SGCZ: variants seen among roughly 807,000 people sequenced by gnomAD.
The protein encoded by SGCZ is zeta-sarcoglycan.
A neutral mutation model predicts 41.3 loss-of-function variants in SGCZ; 40 were observed. The ratio of observed to expected loss-of-function variants is 0.97; its 90% CI spans 0.75 to 1.26. SGCZ has a LOEUF of 1.26. Ranked by LOEUF, SGCZ falls within the 50% of genes most tolerant of loss-of-function variation. The probability of loss-of-function intolerance (pLI) is 0.00; values close to 1 mark genes in which losing one functional copy is unlikely to be tolerated. For synonymous variants in SGCZ, 206 were observed against 137.5 expected (o/e 1.50, Z -3.49); for missense variants, 552 against 369.8 (o/e 1.49, Z -4.04).
chr8:15,013,513 T>G (rs572170563), intron 1 of SGCZ, among the ~76,000 whole-genome samples: 1 of 152,196 alleles, frequency 6.6e-6, no homozygotes, highest in East Asian at 1.9e-4. Flanking sequence ...CCTAATGTTC[T>G]CCTCCCTCCC....
intron 1 of SGCZ, among the ~76,000 whole-genome samples, chr8:14,999,125 A>T (rs1234179163): frequency 5.3e-5 from 8 of 152,214 alleles, no homozygotes; most frequent in Non-Finnish European, 1.2e-4. Context: ...TTCCTGTTAC[A>T]GAAAACAATG....
intron 1 of SGCZ, among the ~76,000 whole-genome samples, chr8:14,654,136 G>A (rs1807486787): frequency 6.6e-6 from 1 of 151,416 alleles, no homozygotes; most frequent in Non-Finnish European, 1.5e-5. Flanking sequence ...CACACACAGA[G>A]TAGTAGAATA....
At chr8:14,519,693 T>C (rs540078542) in intron 2 of SGCZ, among the ~76,000 whole-genome samples, 7 of 152,278 alleles carry the variant, frequency 4.6e-5, no homozygotes, top group African/African-American at 1.7e-4. Flanking sequence ...CGGCTGTTCA[T>C]TTATCTGCAA....
At chr8:14,937,836 C>T (rs868700180) in intron 1 of SGCZ, among the ~76,000 whole-genome samples, 1 of 151,786 alleles carries the variant, frequency 6.6e-6, no homozygotes, top group Non-Finnish European at 1.5e-5. Flanking sequence ...ATATGTTGAA[C>T]AATCAGGAAT....
chr8:14,349,418 G>C (rs1803008744), intron 2 of SGCZ, among the ~76,000 whole-genome samples: 1 of 151,954 alleles, frequency 6.6e-6, no homozygotes, highest in Non-Finnish European at 1.5e-5. Flanking sequence ...ACCTAGACAG[G>C]GTCTAGATTC....
At chr8:14,885,908 T>A (rs1277907199) in intron 1 of SGCZ, among the ~76,000 whole-genome samples, 1 of 147,976 alleles carries the variant, frequency 6.8e-6, no homozygotes, top group Non-Finnish European at 1.5e-5. Context: ...AATTCACCCT[T>A]AATACCTAGA....
intron 1 of SGCZ, among the ~76,000 whole-genome samples, chr8:14,620,390 A>G (rs754159388): frequency 2.6e-5 from 4 of 152,324 alleles, no homozygotes; most frequent in South Asian, 2.1e-4. Flanking sequence ...GAAGGACTTC[A>G]TGTCTAAAAC....
At chr8:14,569,470 T>C (rs928617268) in intron 1 of SGCZ, among the ~76,000 whole-genome samples, 1 of 152,206 alleles carries the variant, frequency 6.6e-6, no homozygotes, top group Non-Finnish European at 1.5e-5. Flanking sequence ...AAAACACAAA[T>C]ATCATGTTTA....
intron 4 of SGCZ, among the ~76,000 whole-genome samples, chr8:14,234,404 C>G (rs1316853622): frequency 6.6e-6 from 1 of 151,940 alleles, no homozygotes; most frequent in Non-Finnish European, 1.5e-5. Context: ...TTTGCTGAAA[C>G]TACTTACATA....
intron 7 of SGCZ, among the ~76,000 whole-genome samples, chr8:14,090,877 A>C (rs1801669065): frequency 6.6e-6 from 1 of 151,990 alleles, no homozygotes; most frequent in Non-Finnish European, 1.5e-5. Flanking sequence ...CTGAAAAGCA[A>C]CATCATACAA....
chr8:14,662,537 A>G (rs1207595865), intron 1 of SGCZ, among the ~76,000 whole-genome samples: 1 of 152,160 alleles, frequency 6.6e-6, no homozygotes, highest in African/African-American at 2.4e-5. Flanking sequence ...GAGTTTCAAC[A>G]GAGTTTTACC....
intron 1 of SGCZ, among the ~76,000 whole-genome samples, chr8:14,690,129 TA>T (rs34319245): frequency 1.3e-5 from 2 of 151,294 alleles, no homozygotes; most frequent in African/African-American, 4.9e-5. Flanking sequence ...TTTTTTTTTT[TA>T]AAGTCCATGG....
At chr8:14,611,037 C>G (rs1370052388) in intron 1 of SGCZ, among the ~76,000 whole-genome samples, 1 of 152,048 alleles carries the variant, frequency 6.6e-6, no homozygotes, top group East Asian at 1.9e-4. Context: ...AAGCAAGAAT[C>G]AAGAAAGAAA....
intron 2 of SGCZ, among the ~76,000 whole-genome samples, chr8:14,541,711 T>C (rs1406654146): frequency 6.6e-6 from 1 of 152,124 alleles, no homozygotes; most frequent in East Asian, 1.9e-4. Flanking sequence ...TGCCACACTG[T>C]CTTCCACAAT....
At chr8:14,679,276 A>AT (rs922902245) in intron 1 of SGCZ, among the ~76,000 whole-genome samples, 4 of 151,796 alleles carry the variant, frequency 2.6e-5, no homozygotes, top group Non-Finnish European at 4.4e-5. Flanking sequence ...TTGCATACAT[A>AT]TTTTTTTTAA....
chr8:14,363,783 C>T (rs1803608368), intron 2 of SGCZ, among the ~76,000 whole-genome samples: 1 of 152,102 alleles, frequency 6.6e-6, no homozygotes, highest in African/African-American at 2.4e-5. Flanking sequence ...CATTTCCTGT[C>T]GAAAAACATT....
intron 2 of SGCZ, among the ~76,000 whole-genome samples, chr8:14,501,051 G>A (rs2219644): frequency 6.6e-6 from 1 of 152,096 alleles, no homozygotes; most frequent in South Asian, 2.1e-4. Flanking sequence ...TCCTCAATGG[G>A]TCAAAATCAA....
intron 1 of SGCZ, among the ~76,000 whole-genome samples, chr8:14,766,614 T>G (rs907521280): frequency 3.1e-4 from 47 of 152,074 alleles, no homozygotes; most frequent in African/African-American, 1.1e-3. Flanking sequence ...CAGGCTGGAG[T>G]GCAGTACTGC....
intron 7 of SGCZ, among the ~76,000 whole-genome samples, chr8:14,095,825 T>TGTAA (rs1285154968): frequency 1.3e-5 from 2 of 152,150 alleles, no homozygotes; most frequent in African/African-American, 4.8e-5. Flanking sequence ...TCACATCCCT[T>TGTAA]GTAAGTTTTA....
Sources: gnomAD v4.1 joint callset for allele counts (sites outside exome capture counted in the v4.1 genomes callset) on GRCh38, gnomAD v4.1.1 for gene constraint, MANE v1.5 for transcripts, NCBI Gene and HGNC (gene_info 2026-07-23, HGNC 2026-07-21) for gene names.